Variants in PDS5B observed in about 807,000 individuals in gnomAD.
PDS5B encodes the protein sister chromatid cohesion protein PDS5 homolog B.
Under a neutral mutation model 184.1 loss-of-function variants are expected in PDS5B, and 51 were observed. The ratio of observed to expected loss-of-function variants is 0.28; its 90% CI spans 0.22 to 0.35. PDS5B has a LOEUF of 0.35. PDS5B is among the 10% of genes least tolerant of loss of function. The probability of loss-of-function intolerance (pLI) is 1.00; values close to 1 mark genes in which losing one functional copy is unlikely to be tolerated. For synonymous variants in PDS5B, 566 were observed against 569.2 expected, an observed-to-expected ratio of 0.99 and a Z score of 0.08; for missense variants, 1,180 against 1,723.3, an observed-to-expected ratio of 0.68 and a Z score of 5.58.
intron 1 of PDS5B, among the ~76,000 whole-genome samples, chr13:32,602,940 T>G (rs1409569585): frequency 6.6e-6 from 1 of 152,226 alleles, no homozygotes; most frequent in Non-Finnish European, 1.5e-5. Context: ...TTGATGGGGT[T>G]GTTTGATTTT....
intron 1 of PDS5B, among the ~76,000 whole-genome samples, chr13:32,596,285 T>A (rs2057868458): frequency 6.6e-6 from 1 of 152,252 alleles, no homozygotes; most frequent in Admixed American, 6.5e-5. Flanking sequence ...TCTATCTTCA[T>A]ACAGTGTGTG....
At chr13:32,651,366 A>C (rs1420756242) in intron 2 of PDS5B, among the ~76,000 whole-genome samples, 1 of 152,198 alleles carries the variant, frequency 6.6e-6, no homozygotes, top group Non-Finnish European at 1.5e-5. Context: ...TAAATGGAAA[A>C]TTAAATTGTC....
At chr13:32,592,914 C>T (rs2057798847) in intron 1 of PDS5B, among the ~76,000 whole-genome samples, 2 of 152,196 alleles carry the variant, frequency 1.3e-5, no homozygotes, top group African/African-American at 4.8e-5. Context: ...ACTTCTTAAT[C>T]TGAACAGTGG....
rs1042612560 is a variant in PDS5B at position 32,732,356 on chromosome 13, A to C, written c.2247+132A>C. The C allele has an allele frequency of 4.7e-6, 3 of 643,994 alleles. No individual in the cohort carries two copies. In the East Asian group the frequency reaches 9.0e-5, roughly 19 times the overall value. The allele number at this position is 643,994 out of a possible 1,614,324, so 39.9% of individuals were successfully genotyped here. A position where few individuals can be genotyped will look rare whatever the true frequency, so the allele number is the denominator to read the frequency against. On this transcript the variant is annotated intron_variant, in intron 20 of 34. Coordinates refer to ENST00000315596, the MANE Select transcript of PDS5B (RefSeq NM_015032.4). ...TATTTTCAGAATTTGAATCAGTAAA[A>C]TCAACATTGATAAGTGTTAAAATAT...
At chr13:32,751,735 T>TA (rs1491583455) in intron 24 of PDS5B, among the ~76,000 whole-genome samples, 1 of 152,216 alleles carries the variant, frequency 6.6e-6, no homozygotes, top group South Asian at 2.1e-4. Flanking sequence ...TTAAGTTTCT[T>TA]AGAGATTCTG....
chr13:32,711,082 T>G (rs182133679), intron 19 of PDS5B, among the ~76,000 whole-genome samples: 9 of 151,986 alleles, frequency 5.9e-5, no homozygotes, highest in African/African-American at 1.9e-4. Context: ...AACCTTCACC[T>G]CCCAGGTTCA....
At chr13:32,643,558 AT>A (rs1483596846) in intron 1 of PDS5B, among the ~76,000 whole-genome samples, 1 of 152,012 alleles carries the variant, frequency 6.6e-6, no homozygotes, top group African/African-American at 2.4e-5. Flanking sequence ...TCTGTCAGTG[AT>A]GGACTGCATA....
rs1166159056 is a variant in PDS5B at position 32,693,950 on chromosome 13, T to TA, written c.1470-272dup. On this transcript the variant is annotated intron_variant, in intron 13 of 34. Transcript: ENST00000315596. Reference sequence around the variant, plus strand: ...TTTCATCCTTCCTGCTACAACACCTTACGCTGTCAGTTATTCCTTTATTTC... The same window carrying TA: ...TTTCATCCTTCCTGCTACAACACCTTAACGCTGTCAGTTATTCCTTTATTTC... Among the ~76,000 whole-genome samples, 4 of 151,858 alleles carry TA rather than the reference T, an allele frequency of 2.6e-5. 1 individual carries two copies. The highest frequency in any genetic ancestry group is 2.6e-4 in the Admixed American group (4 of 15,236).
At position 32,687,190 on chromosome 13, in the gene PDS5B, T is replaced by C. The variant is rs1951423032; in HGVS notation, c.1260T>C (p.Ala420=). The C allele has an allele frequency of 6.2e-7, 1 of 1,610,528 alleles. No homozygotes were observed. Among genetic ancestry groups the C allele is most frequent in the Non-Finnish European group, 8.5e-7 (1 of 1,178,622 alleles). ...TTGCCCAAATTTATAAGAAATATGC[T>C]TTACAGTCAGCAGCTGGAAAAGATG... ...MGLAQIYKKY[A]LQSAAGKDAA... is the part of the protein sequence containing the mutation. The change falls in exon 12 of 35, where the codon GCT becomes GCC. Residue 420 remains alanine, a synonymous_variant. Coordinates refer to ENST00000315596, the MANE Select transcript of PDS5B (RefSeq NM_015032.4).
chr13:32,759,995 T>C (rs1165049349), intron 29 of PDS5B, among the ~76,000 whole-genome samples: 1 of 152,084 alleles, frequency 6.6e-6, no homozygotes, highest in Non-Finnish European at 1.5e-5. Flanking sequence ...GAGTCTCTGT[T>C]GCCCAGGCTG....
intron 23 of PDS5B, among the ~76,000 whole-genome samples, chr13:32,743,622 G>A (rs1953641842): frequency 6.6e-6 from 1 of 152,042 alleles, no homozygotes; most frequent in East Asian, 1.9e-4. Context: ...GCTGCCTTCT[G>A]CCTTTCCATC....
intron 21 of PDS5B, among the ~76,000 whole-genome samples, chr13:32,739,259 CATCTCCTGGTA>C (rs1470450261): frequency 3.3e-5 from 5 of 151,798 alleles, no homozygotes; most frequent in Non-Finnish European, 7.4e-5. Flanking sequence ...AATATCTTAC[CATCTCCTGGTA>C]ATCTGCAGTG....
intron 31 of PDS5B, 39 bp downstream of exon 31, chr13:32,764,633 T>A: frequency 9.1e-7 from 1 of 1,101,114 alleles, no homozygotes; most frequent in Non-Finnish European, 1.3e-6. Context: ...ATATTAATGA[T>A]AATTTTACTT....
At chr13:32,697,750 C>A (rs890017244) in intron 15 of PDS5B, among the ~76,000 whole-genome samples, 1 of 152,126 alleles carries the variant, frequency 6.6e-6, no homozygotes, top group Non-Finnish European at 1.5e-5. Context: ...TGCTCTTTTG[C>A]CCAGGGCTGG....
At chr13:32,724,788 C>G (rs1952842341) in intron 19 of PDS5B, among the ~76,000 whole-genome samples, 1 of 152,136 alleles carries the variant, frequency 6.6e-6, no homozygotes, top group Non-Finnish European at 1.5e-5. Context: ...ACCTTGTTGC[C>G]CAGTCGGTCT....
intron 15 of PDS5B, among the ~76,000 whole-genome samples, chr13:32,699,268 C>T (rs950196234): frequency 6.6e-6 from 1 of 152,130 alleles, no homozygotes; most frequent in Admixed American, 6.5e-5. Flanking sequence ...CAGTATATAT[C>T]ACTGCTAGAT....
chr13:32,747,707 T>A (rs1953806156), intron 24 of PDS5B, among the ~76,000 whole-genome samples: 1 of 152,214 alleles, frequency 6.6e-6, no homozygotes, highest in Non-Finnish European at 1.5e-5. Flanking sequence ...TCTATCACGT[T>A]TCTTAGAAGA....
chr13:32,635,779 T>G (rs1243117416), intron 1 of PDS5B, among the ~76,000 whole-genome samples: 2 of 150,212 alleles, frequency 1.3e-5, no homozygotes, highest in Admixed American at 1.3e-4. Flanking sequence ...TTTTTTTTTT[T>G]TTTTTTGAGG....
chr13:32,772,242 T>A (rs1397645961), intron 33 of PDS5B, among the ~76,000 whole-genome samples: 5 of 152,308 alleles, frequency 3.3e-5, no homozygotes, highest in Middle Eastern at 3.4e-3. Flanking sequence ...TTTCTAATTT[T>A]AAAAAATAAA....
Sources: allele counts gnomAD v4.1 joint callset (sites outside exome capture counted in the v4.1 genomes callset), GRCh38; gene constraint gnomAD v4.1.1; transcripts MANE v1.5; gene names NCBI Gene and HGNC (gene_info 2026-07-23, HGNC 2026-07-21).